Variants in CEP290 observed in about 807,000 individuals in gnomAD.
CEP290 encodes the protein centrosomal protein 290.
A neutral mutation model predicts 344.9 loss-of-function variants in CEP290; 317 were observed. The observed-to-expected ratio is 0.92, with a 90% CI of 0.84 to 1.01. The LOEUF is 1.01. Among genes scored for constraint, CEP290 ranks in the 50% least tolerant of loss-of-function variants. The pLI is 0.00. For missense variants in CEP290, 2,754 were observed against 2,761.4 expected (o/e 1.00, Z 0.06); for synonymous variants, 932 against 895.8 (o/e 1.04, Z -0.72).
chr12:88,117,096 A>G lies in CEP290; in HGVS notation c.1761T>C (p.Asp587=). The G allele has an allele frequency of 3.8e-6, 6 of 1,561,922 alleles. No homozygotes were observed. Among genetic ancestry groups the G allele is most frequent in the Non-Finnish European group, 5.2e-6 (6 of 1,150,272 alleles). Residue 587 remains aspartate (D), a synonymous_variant, in exon 18 of 54, where the codon GAT becomes GAC. Transcript: ENST00000552810. ...LNLTENISQG[D]RISERKLDLL... ...AATCCAATTTTCTTTCACTTATTCT[A>G]TCTCCTTGAGAAATGTTTTCAGTTA... is the stretch of plus-strand genomic sequence containing the variant.
Position 88,115,157 on chromosome 12 carries a change from AT to A in CEP290, c.1849del (p.Ile617LeufsTer7). ...SKNEFLSRELIEKERDLERSR... is the reference protein window; with the variant it reads ...SKNEFLSRELXEKERDLERSR... ...CCTTTCTAAATCTCTTTCTTTTTCA[AT>A]TAGTTCTCTTGAAAGAAATTCATTC... On this transcript the variant is annotated frameshift_variant, in exon 19 of 54. Transcript: ENST00000552810. LOFTEE classifies it high-confidence loss of function. 1 of 1,495,492 alleles carries A rather than the reference AT, an allele frequency of 6.7e-7. No individual in the cohort carries two copies. Among genetic ancestry groups the A allele is most frequent in the East Asian group, 2.3e-5 (1 of 43,618 alleles). 92.6% of individuals were successfully genotyped at this position (1,495,492 alleles called of 1,614,324 possible). A position where few individuals can be genotyped will look rare whatever the true frequency, so the allele number is the denominator to read the frequency against.
In CEP290 at chr12:88,080,399, A is replaced by G. The variant is rs1565827742; in HGVS notation, c.5013-4T>C. The G allele has an allele frequency of 6.2e-7, 1 of 1,603,448 alleles. No individual in the cohort carries two copies. The highest frequency in any genetic ancestry group is 8.5e-7 in the Non-Finnish European group (1 of 1,172,266). ...ATCTTCATGGTTTTCTTGAAGCCTG[A>G]TGTAAATAAACATATGTGTGTGTGT... is the stretch of plus-strand genomic sequence containing the variant. On this transcript the variant is annotated splice_polypyrimidine_tract_variant and splice_region_variant and intron_variant, in intron 37 of 53. Coordinates refer to ENST00000552810, the MANE Select transcript of CEP290 (RefSeq NM_025114.4).
At chr12:88,100,038 G>T (rs2037751511) in intron 26 of CEP290, among the ~76,000 whole-genome samples, 1 of 151,420 alleles carries the variant, frequency 6.6e-6, no homozygotes, top group South Asian at 2.1e-4. Context: ...CCAGCACTTT[G>T]GGAAGTTGAG....
intron 6 of CEP290, chr12:88,136,089 A>C (rs2040339568): frequency 6.6e-6 from 1 of 152,208 alleles, no homozygotes; most frequent in South Asian, 2.1e-4. Context: ...ACTATGCATT[A>C]AAAATGTTAT....
intron 36 of CEP290, among the ~76,000 whole-genome samples, chr12:88,083,562 T>C (rs1463695029): frequency 2.6e-5 from 4 of 152,270 alleles, no homozygotes; most frequent in African/African-American, 7.2e-5. Flanking sequence ...GAGGCAAATA[T>C]GAGCTGAATT....
At chr12:88,130,475 C>A (rs7309960) in intron 8 of CEP290, 55 bp from the exon 9 acceptor site, 7 of 1,595,876 alleles carry the variant, frequency 4.4e-6, no homozygotes, top group Middle Eastern at 1.7e-4. Context: ...ATAACAAAAT[C>A]ATATCCTCTA....
intron 26 of CEP290, among the ~76,000 whole-genome samples, chr12:88,100,213 T>C (rs1167316073): frequency 6.6e-6 from 1 of 151,402 alleles, no homozygotes; most frequent in Non-Finnish European, 1.5e-5. Context: ...GAGGTTGCAG[T>C]AAGCCAAGAT....
chr12:88,055,896 A>G (rs1308846945), intron 49 of CEP290, among the ~76,000 whole-genome samples, 179 bp from the exon 50 acceptor site: 1 of 152,208 alleles, frequency 6.6e-6, no homozygotes, highest in Non-Finnish European at 1.5e-5. Flanking sequence ...GAGATAAGGT[A>G]TCCCTAATTA....
intron 6 of CEP290, 99 bp downstream of exon 6, chr12:88,136,544 A>T: frequency 8.3e-7 from 1 of 1,208,784 alleles, no homozygotes; most frequent in Non-Finnish European, 1.2e-6. Flanking sequence ...TCATTTTTCA[A>T]ATATAACATA....
intron 50 of CEP290, among the ~76,000 whole-genome samples, chr12:88,054,702 A>G (rs911016018): frequency 6.6e-6 from 1 of 152,140 alleles, no homozygotes; most frequent in Non-Finnish European, 1.5e-5. Context: ...TTAATATGAT[A>G]TGATGTAATA....
intron 50 of CEP290, among the ~76,000 whole-genome samples, chr12:88,054,669 G>T (rs1165499904): frequency 6.6e-6 from 1 of 152,118 alleles, no homozygotes; most frequent in Non-Finnish European, 1.5e-5. Context: ...CTTGTTTAGT[G>T]GGGAAGCACA....
At position 88,077,197 on chromosome 12, in the gene CEP290, T is replaced by G. The variant is rs17015438; in HGVS notation, c.5709+25A>C. The G allele has an allele frequency of 0.023, 36,464 of 1,593,292 alleles. 668 individuals are homozygous for G. The highest frequency in any genetic ancestry group is 0.085 in the African/African-American group (6,292 of 73,892). On this transcript the variant is annotated intron_variant, in intron 41 of 53. Coordinates refer to ENST00000552810, the MANE Select transcript of CEP290 (RefSeq NM_025114.4). ...TTACTCTGTCACTACCTTAAGCATATAAGTCAGTATGTTTCTTCACATACC... is the reference window on the plus strand; with the variant it reads ...TTACTCTGTCACTACCTTAAGCATAGAAGTCAGTATGTTTCTTCACATACC...
chr12:88,109,612 A>C (rs1233903473), intron 22 of CEP290, among the ~76,000 whole-genome samples: 1 of 152,192 alleles, frequency 6.6e-6, no homozygotes, highest in African/African-American at 2.4e-5. Context: ...CATTTTTACC[A>C]AGTACATATG....
intron 23 of CEP290, among the ~76,000 whole-genome samples, chr12:88,107,913 A>T (rs982015184): frequency 6.6e-6 from 1 of 151,914 alleles, no homozygotes; most frequent in Non-Finnish European, 1.5e-5. Flanking sequence ...AGGAAAAAAA[A>T]AAAAAAGTAT....
rs762072403 is a variant in CEP290, at chr12:88,111,322, A to G, written c.2247T>C (p.Leu749=). The G allele has an allele frequency of 1.3e-6, 2 of 1,565,226 alleles. No individual in the cohort carries two copies. Among genetic ancestry groups the G allele is most frequent in the Admixed American group, 1.9e-5 (1 of 52,036 alleles). Residue 749 remains leucine (L), a synonymous_variant, in exon 22 of 54, where the codon CTT becomes CTC. Transcript: ENST00000552810. The stretch of plus-strand genomic sequence containing the variant: ...CATTTGATCCTTCTGATTGTCGTAA[A>G]AGACTAGTTTCTTTTTCAAGATGGT... ...KIDHLEKETS[L]LRQSEGSNVV...
rs372664954 is a variant in CEP290 at position 88,116,068 on chromosome 12, T to C, written c.1825-886A>G. On this transcript the variant is annotated intron_variant, in intron 18 of 53. Transcript: ENST00000552810. ...TGACAAAATATTGCAGATTTTTGCCTAAGTGATAACTTCTGCATTATGTCT... is the reference window on the plus strand; with the variant it reads ...TGACAAAATATTGCAGATTTTTGCCCAAGTGATAACTTCTGCATTATGTCT... 38 of 985,356 alleles carry C rather than the reference T, an allele frequency of 3.9e-5. No homozygotes were observed. The African/African-American group carries it at 5.8e-4, about 15-fold the overall frequency. The allele number at this position is 985,356 out of a possible 1,614,324, so 61.0% of individuals were successfully genotyped here.
chr12:88,133,126 AGTCC>A (rs1007417125), intron 6 of CEP290, among the ~76,000 whole-genome samples: 11 of 146,110 alleles, frequency 7.5e-5, no homozygotes, highest in Admixed American at 4.9e-4. Context: ...CTAAGGCTAG[AGTCC>A]AGTGGTGCGA....
chr12:88,107,827 A>G (rs1307019430), intron 23 of CEP290, among the ~76,000 whole-genome samples: 1 of 151,768 alleles, frequency 6.6e-6, no homozygotes, highest in Non-Finnish European at 1.5e-5. Context: ...ACTTGGACCC[A>G]GGAGGCAGAG....
intron 22 of CEP290, among the ~76,000 whole-genome samples, chr12:88,109,487 T>A (rs1246049782): frequency 6.6e-6 from 1 of 152,186 alleles, no homozygotes; most frequent in Non-Finnish European, 1.5e-5. Flanking sequence ...TATGAACACA[T>A]AATTTCATAC....
Sources: gnomAD v4.1 joint callset for allele counts (sites outside exome capture counted in the v4.1 genomes callset) on GRCh38, gnomAD v4.1.1 for gene constraint, MANE v1.5 for transcripts, NCBI Gene and HGNC (gene_info 2026-07-23, HGNC 2026-07-21) for gene names.